The following ATF7IP2 variants were observed in gnomAD, a reference collection of about 807,000 sequenced individuals.
ATF7IP2 encodes the protein activating transcription factor 7 interacting protein 2, also known as activating transcription factor 7-interacting protein 2.
In ATF7IP2, 42 loss-of-function variants were observed where a neutral mutation model predicts 64.2. The ratio of observed to expected loss-of-function variants is 0.65; its 90% CI spans 0.51 to 0.85. The LOEUF (loss-of-function observed/expected upper bound fraction) is 0.85, where lower values mean the gene tolerates loss of function less well. Ranked by LOEUF, ATF7IP2 falls within the 40% of genes least tolerant of loss-of-function variation. The probability of loss-of-function intolerance (pLI) is 0.00; values close to 1 mark genes in which losing one functional copy is unlikely to be tolerated. For synonymous variants in ATF7IP2, 308 were observed against 272.8 expected, an observed-to-expected ratio of 1.13 and a Z score of -1.27; for missense variants, 933 against 784.2, an observed-to-expected ratio of 1.19 and a Z score of -2.27.
chr16:10,459,474 A>G (rs1277524406), intron 9 of ATF7IP2, among the ~76,000 whole-genome samples: 1 of 134,738 alleles, frequency 7.4e-6, no homozygotes, highest in East Asian at 2.2e-4. Context: ...TCTCAAAAAG[A>G]AAAAAAAAAA....
intron 2 of ATF7IP2, among the ~76,000 whole-genome samples, chr16:10,417,313 A>G (rs1185332167): frequency 6.6e-6 from 1 of 152,206 alleles, no homozygotes; most frequent in Non-Finnish European, 1.5e-5. Flanking sequence ...CCCATCAACC[A>G]CGTATATGCT....
chr16:10,388,054 C>T (rs533542119), intron 1 of ATF7IP2, among the ~76,000 whole-genome samples: 1 of 151,946 alleles, frequency 6.6e-6, no homozygotes. Flanking sequence ...AGGCGCCCGA[C>T]TAGTTTTTGT....
chr16:10,402,592 TAGCTGGGACTACA>T (rs375510431), intron 1 of ATF7IP2, among the ~76,000 whole-genome samples: 149 of 152,162 alleles, frequency 9.8e-4, no homozygotes, highest in African/African-American at 3.5e-3. Flanking sequence ...GCCTCCCAAC[TAGCTGGGACTACA>T]AGCATGTGCC....
In ATF7IP2 at chr16:10,425,000, A is replaced by C. The variant is rs369830910; in HGVS notation, c.-159-3868A>C. Among the ~76,000 whole-genome samples the C allele has an allele frequency of 2.0e-5, 3 of 152,136 alleles. No individual in the cohort carries two copies. In the East Asian group the frequency reaches 5.8e-4, roughly 29 times the overall value. On this transcript the variant is annotated intron_variant, in intron 3 of 13. Coordinates refer to ENST00000562102, the MANE Select transcript of ATF7IP2 (RefSeq NM_001393719.1). Reference sequence around the variant, plus strand: ...CTACTGCTAGGTATATAGAACAAAGAAACATGAAAACATTATGTCCACATA... The same window carrying C: ...CTACTGCTAGGTATATAGAACAAAGCAACATGAAAACATTATGTCCACATA...
At chr16:10,402,693 A>G (rs984164122) in intron 1 of ATF7IP2, among the ~76,000 whole-genome samples, 5 of 151,978 alleles carry the variant, frequency 3.3e-5, no homozygotes, top group African/African-American at 1.2e-4. Flanking sequence ...CAAACTCCTG[A>G]GCTCAAGTGA....
chr16:10,455,498 A>G (rs1055350764), intron 8 of ATF7IP2, among the ~76,000 whole-genome samples: 2 of 152,228 alleles, frequency 1.3e-5, no homozygotes, highest in African/African-American at 4.8e-5. Context: ...AGTTTGTGGT[A>G]ATTTGTTAAG....
intron 2 of ATF7IP2, among the ~76,000 whole-genome samples, chr16:10,417,179 A>G (rs909394908): frequency 1.3e-5 from 2 of 152,168 alleles, no homozygotes. Flanking sequence ...AAGAATTTAT[A>G]CAACAACTAG....
At chr16:10,410,369 G>GT (rs2047734367) in intron 1 of ATF7IP2, among the ~76,000 whole-genome samples, 1 of 148,074 alleles carries the variant, frequency 6.8e-6, no homozygotes, top group Non-Finnish European at 1.5e-5. Context: ...TTTTGTTTTT[G>GT]TTTTGTTTTG....
chr16:10,390,253 C>G (rs1460396300), intron 1 of ATF7IP2, among the ~76,000 whole-genome samples: 1 of 152,064 alleles, frequency 6.6e-6, no homozygotes, highest in Admixed American at 6.6e-5. Flanking sequence ...GCACCCATAA[C>G]TTCGAACTAT....
chr16:10,447,982 C>T (rs1404015139), intron 8 of ATF7IP2: 1 of 152,164 alleles, frequency 6.6e-6, no homozygotes, highest in Non-Finnish European at 1.5e-5. Context: ...TTGCAGTTTT[C>T]TGCATATGGC....
chr16:10,408,419 G>A (rs535882470), intron 1 of ATF7IP2, among the ~76,000 whole-genome samples: 1 of 152,184 alleles, frequency 6.6e-6, no homozygotes, highest in Non-Finnish European at 1.5e-5. Flanking sequence ...TCGCCACACT[G>A]TTTTCCATGA....
At chr16:10,409,439 G>A (rs1356525070) in intron 1 of ATF7IP2, among the ~76,000 whole-genome samples, 2 of 151,900 alleles carry the variant, frequency 1.3e-5, no homozygotes, top group Non-Finnish European at 2.9e-5. Context: ...GGGTTTTTCT[G>A]ATGTTATCTT....
intron 3 of ATF7IP2, among the ~76,000 whole-genome samples, chr16:10,422,687 T>G (rs888326102): frequency 4.7e-5 from 3 of 63,324 alleles, no homozygotes; most frequent in African/African-American, 3.4e-4. Flanking sequence ...TAAATTTCTT[T>G]CCCTGAACAG....
At chr16:10,470,851 ATATG>A (rs147535784) in intron 9 of ATF7IP2, among the ~76,000 whole-genome samples, 26,095 of 145,922 alleles carry the variant, frequency 0.18, 2,389 homozygotes, top group African/African-American at 0.25. Context: ...GTGTGTATAT[ATATG>A]TGTGTGTGTG....
chr16:10,473,778 A>G (rs2049896150), intron 11 of ATF7IP2, 145 bp from the exon 12 acceptor site: 1 of 637,012 alleles, frequency 1.6e-6, no homozygotes, highest in African/African-American at 1.8e-5. Context: ...GAGTTAAACC[A>G]CAAGAGACTT....
rs531923192 is a variant in ATF7IP2, at chr16:10,403,671, G to A, written c.-241-10903G>A. Reference sequence around the variant, plus strand: ...CAAAATGTTTTTAAAGAAACTTAATGAAATGCAAGGGAAATCTGAAAACCC... The same window carrying A: ...CAAAATGTTTTTAAAGAAACTTAATAAAATGCAAGGGAAATCTGAAAACCC... On this transcript the variant is annotated intron_variant, in intron 1 of 13. Transcript: ENST00000562102. 3.9e-5 allele frequency among the ~76,000 whole-genome samples: 6 copies of A among 152,232 alleles called. No individual in the cohort carries two copies. The East Asian group carries it at 1.2e-3, about 29-fold the overall frequency.
intron 1 of ATF7IP2, among the ~76,000 whole-genome samples, chr16:10,398,350 G>A (rs983145654): frequency 2.6e-5 from 4 of 151,834 alleles, no homozygotes; most frequent in Admixed American, 2.0e-4. Context: ...CAAAGATGTA[G>A]AGAAAAGGGA....
chr16:10,409,934 T>C (rs2047719582), intron 1 of ATF7IP2, among the ~76,000 whole-genome samples: 2 of 152,268 alleles, frequency 1.3e-5, no homozygotes, highest in Admixed American at 1.3e-4. Flanking sequence ...TTGGTCTTTG[T>C]GCCTATTTTT....
intron 3 of ATF7IP2, among the ~76,000 whole-genome samples, chr16:10,425,686 G>C (rs1030720624): frequency 2.0e-5 from 3 of 152,112 alleles, no homozygotes; most frequent in African/African-American, 7.2e-5. Flanking sequence ...CTGAGGTTGG[G>C]AGTTTGAGAC....
Sources: gnomAD v4.1 joint callset for allele counts (sites outside exome capture counted in the v4.1 genomes callset) on GRCh38, gnomAD v4.1.1 for gene constraint, MANE v1.5 for transcripts, NCBI Gene and HGNC (gene_info 2026-07-23, HGNC 2026-07-21) for gene names.